THRA: variants seen among roughly 807,000 people sequenced by gnomAD.
The protein encoded by THRA is thyroid hormone receptor alpha.
A neutral mutation model predicts 45.0 loss-of-function variants in THRA; 13 were observed. The ratio of observed to expected loss-of-function variants is 0.29; its 90% CI spans 0.19 to 0.46. The LOEUF is 0.46. Among genes scored for constraint, THRA ranks in the 20% least tolerant of loss-of-function variants. The pLI is 1.00. For synonymous variants in THRA, 195 were observed against 214.0 expected (o/e 0.91, Z 0.78); for missense variants, 278 against 556.1 (o/e 0.50, Z 5.03).
rs114106760 is a variant in THRA, at chr17:40,081,409, C to T, written c.223-2426C>T. Among the ~76,000 whole-genome samples, 1,405 of 151,970 alleles carry T rather than the reference C, an allele frequency of 9.2e-3. 16 individuals are homozygous for T. The highest frequency in any genetic ancestry group is 0.032 in the African/African-American group (1,305 of 41,420). On this transcript the variant is annotated intron_variant, in intron 4 of 8. Coordinates refer to ENST00000450525, the MANE Select transcript of THRA (RefSeq NM_199334.5). ...CAGAGTAGCTGGGATTATAGGTGCA[C>T]GCCACAACCCCTGGCCAATTTGTGT...
intron 6 of THRA, 57 bp from the exon 7 acceptor site, chr17:40,086,650 T>C (rs769617930): frequency 6.9e-6 from 11 of 1,586,298 alleles, no homozygotes; most frequent in Non-Finnish European, 8.6e-6. Flanking sequence ...GCAGGGAGCC[T>C]CAGTGAGAGG....
downstream of THRA, chr17:40,093,590 G>A (rs960858702): frequency 2.5e-6 from 2 of 812,960 alleles, no homozygotes; most frequent in Non-Finnish European, 3.8e-6. This position sits in a 1 kb window ranked among gnomAD's most constrained non-coding sequence, Gnocchi z 5.9. Context: ...CTCTGCCTGG[G>A]ATGCCCTTCC....
chr17:40,089,698 T>G lies in THRA; in HGVS notation c.*242T>G. 7.3e-7 allele frequency: 1 copy of G among 1,370,922 alleles called. No homozygotes were observed. The highest frequency in any genetic ancestry group is 1.6e-5 in the South Asian group (1 of 63,526). The allele number at this position is 1,370,922 out of a possible 1,614,324, so 84.9% of individuals were successfully genotyped here. On this transcript the variant is annotated 3_prime_UTR_variant, in exon 9 of 9. Transcript: ENST00000450525. This position sits in a 1 kb window ranked among gnomAD's most constrained non-coding sequence, Gnocchi z 6.1. ...ACAGTGTGGGAGGCTGGGGGAGCTGTGTCCTGCAGTTCCCAGGACCCCATC... is the reference window on the plus strand; with the variant it reads ...ACAGTGTGGGAGGCTGGGGGAGCTGGGTCCTGCAGTTCCCAGGACCCCATC...
At chr17:40,077,652 C>G in intron 4 of THRA, 44 bp downstream of exon 4, 1 of 1,511,068 alleles carries the variant, frequency 6.6e-7, no homozygotes, top group Non-Finnish European at 9.2e-7. Flanking sequence ...CCTGAGCCCC[C>G]ATATTACTCC....
chr17:40,069,150 C>T (rs895961993), intron 1 of THRA: 1 of 145,870 alleles, frequency 6.9e-6, no homozygotes, highest in Non-Finnish European at 1.5e-5. Context: ...TCTCCCCCTC[C>T]CCCTCTCTGT....
At position 40,092,888 on chromosome 17, in the gene THRA, A is replaced by G; in HGVS notation, c.*3432A>G. On this transcript the variant is annotated 3_prime_UTR_variant, in exon 9 of 9. Coordinates refer to ENST00000450525, the MANE Select transcript of THRA (RefSeq NM_199334.5). The stretch of plus-strand genomic sequence containing the variant: ...GACAGAGTGGTTTAAATAGGGGAGG[A>G]GGGGAAGTTCGGTGATGGGGGAGGG... 1 of 1,304,140 alleles carries G rather than the reference A, an allele frequency of 7.7e-7. No homozygotes were observed. Among genetic ancestry groups the G allele is most frequent in the East Asian group, 2.5e-5 (1 of 39,634 alleles). 80.8% of individuals were successfully genotyped at this position (1,304,140 alleles called of 1,614,324 possible).
Position 40,092,722 on chromosome 17 carries a change from A to C in THRA, c.*3266A>C, listed in dbSNP as rs1987626885. ...CACCCCACAAACTGACCAGATGGAG[A>C]GGTGGCCCCCCCCAGCCTTGGCAGT... On this transcript the variant is annotated 3_prime_UTR_variant, in exon 9 of 9. Coordinates refer to ENST00000450525, the MANE Select transcript of THRA (RefSeq NM_199334.5). The C allele has an allele frequency of 9.3e-6, 3 of 322,144 alleles. No individual in the cohort carries two copies. Among genetic ancestry groups the C allele is most frequent in the Admixed American group, 8.7e-5 (2 of 22,946 alleles). The allele number at this position is 322,144 out of a possible 1,614,324, so 20.0% of individuals were successfully genotyped here. A position where few individuals can be genotyped will look rare whatever the true frequency, so the allele number is the denominator to read the frequency against.
At chr17:40,065,686 G>A (rs1986529366) in intron 1 of THRA, among the ~76,000 whole-genome samples, 1 of 152,068 alleles carries the variant, frequency 6.6e-6, no homozygotes. Flanking sequence ...TGGGGGGCGG[G>A]GGGCTCAGCT....
At chr17:40,086,598 C>T (rs975800093) in intron 6 of THRA, 109 bp from the exon 7 acceptor site, 240 of 1,390,416 alleles carry the variant, frequency 1.7e-4, no homozygotes, top group Non-Finnish European at 2.2e-4. Context: ...CAGGCACGGG[C>T]GGCCCCTCTT....
At chr17:40,063,800 T>TC (rs1986453442) in intron 1 of THRA, among the ~76,000 whole-genome samples, 1 of 151,874 alleles carries the variant, frequency 6.6e-6, no homozygotes, top group South Asian at 2.1e-4. Flanking sequence ...CTTGTTTCCC[T>TC]CCCCTTGCAA....
At chr17:40,062,271 G>A (rs1213675499), upstream of THRA, 1 of 152,184 alleles carries the variant, frequency 6.6e-6, no homozygotes, top group Non-Finnish European at 1.5e-5. Context: ...GGAAAAGGGA[G>A]GCAGTGGATC....
intron 1 of THRA, among the ~76,000 whole-genome samples, chr17:40,069,812 C>T (rs1057145413): frequency 6.6e-6 from 1 of 151,922 alleles, no homozygotes; most frequent in African/African-American, 2.4e-5. Context: ...TGGGAGGAGA[C>T]CTCCAGACCT....
chr17:40,070,363 T>C (rs1160102878), intron 1 of THRA, among the ~76,000 whole-genome samples: 1 of 152,132 alleles, frequency 6.6e-6, no homozygotes, highest in East Asian at 1.9e-4. Context: ...GCAGCCCTGC[T>C]CAATCCATAC....
At chr17:40,068,015 C>CTCAAAA (rs1986633326) in intron 1 of THRA, among the ~76,000 whole-genome samples, 1 of 152,134 alleles carries the variant, frequency 6.6e-6, no homozygotes, top group Non-Finnish European at 1.5e-5. Flanking sequence ...GTGAGACCCC[C>CTCAAAA]CACACACACA....
Position 40,083,873 on chromosome 17 carries a change from C to A in THRA, c.261C>A (p.Pro87=). The change falls in exon 5 of 9, where the codon CCC becomes CCA. Residue 87 remains proline, a synonymous_variant. Transcript: ENST00000450525. ...GCACAATCCAGAAGAACCTCCATCC[C>A]ACCTATTCCTGCAAATATGACAGCT... ...FRRTIQKNLH[P]TYSCKYDSCC... 6.2e-7 allele frequency: 1 copy of A among 1,613,744 alleles called. No homozygotes were observed. The highest frequency in any genetic ancestry group is 8.5e-7 in the Non-Finnish European group (1 of 1,179,766).
intron 1 of THRA, among the ~76,000 whole-genome samples, chr17:40,066,191 T>G (rs1389637147): frequency 6.6e-6 from 1 of 152,072 alleles, no homozygotes; most frequent in Non-Finnish European, 1.5e-5. Flanking sequence ...GAGAGGGAAT[T>G]TGAGGAGGGG....
chr17:40,090,165 C>G lies in THRA; in HGVS notation c.*709C>G. On this transcript the variant is annotated 3_prime_UTR_variant, in exon 9 of 9. Coordinates refer to ENST00000450525, the MANE Select transcript of THRA (RefSeq NM_199334.5). ...CTTTGCGAGCTGCCCCTTCTTCCCC[C>G]ACATCAGAGAGAAATGCCCCCACAC... is the stretch of plus-strand genomic sequence containing the variant. 1 of 322,932 alleles carries G rather than the reference C, an allele frequency of 3.1e-6. No homozygotes were observed. Among genetic ancestry groups the G allele is most frequent in the Non-Finnish European group, 4.4e-6 (1 of 225,228 alleles). 20.0% of individuals were successfully genotyped at this position (322,932 alleles called of 1,614,324 possible). A position where few individuals can be genotyped will look rare whatever the true frequency, so the allele number is the denominator to read the frequency against.
chr17:40,078,298 C>T (rs981843181), intron 4 of THRA, among the ~76,000 whole-genome samples: 6 of 152,154 alleles, frequency 3.9e-5, no homozygotes, highest in Non-Finnish European at 5.9e-5. Flanking sequence ...GCCTAGCTAA[C>T]ACAGTGAGAC....
intron 1 of THRA, chr17:40,072,107 C>T (rs1280387469): frequency 6.6e-6 from 1 of 152,480 alleles, no homozygotes; most frequent in Non-Finnish European, 1.5e-5. Flanking sequence ...GGAGTTAAGG[C>T]TGGGCAGGAG....
Sources: allele counts gnomAD v4.1 joint callset (sites outside exome capture counted in the v4.1 genomes callset), GRCh38; gene constraint gnomAD v4.1.1; non-coding constraint Gnocchi (gnomAD v3.1); transcripts MANE v1.5; gene names NCBI Gene and HGNC (gene_info 2026-07-23, HGNC 2026-07-21).